The following IPO4 variants were observed in gnomAD, a reference collection of about 807,000 sequenced individuals.
IPO4 encodes the protein importin 4.
Under a neutral mutation model 133.5 loss-of-function variants are expected in IPO4, and 91 were observed. The ratio of observed to expected loss-of-function variants is 0.68; its 90% confidence interval spans 0.58 to 0.81. IPO4 has a LOEUF of 0.81. Ranked by LOEUF, IPO4 falls within the 30% of genes least tolerant of loss-of-function variation. The pLI is 0.00. For synonymous variants in IPO4, 607 were observed against 581.6 expected (o/e 1.04, Z -0.63); for missense variants, 1,279 against 1,386.2 (o/e 0.92, Z 1.23).
In IPO4 at chr14:24,183,354, C is replaced by G. The variant is rs369357586; in HGVS notation, c.2123G>C (p.Cys708Ser). ...TGCCTTCCGCACATTCAGGTGAGGG[C>G]ACTGCAGGATGAGGAGGGGCGGGAT... ...VFEEVFKLLE[C>S]PHLNVRKAAH... The change falls in exon 22 of 30, where the codon TGC becomes TCC. Residue 708 changes from cysteine (C) to serine (S), a missense_variant and splice_region_variant. This residue lies in a region of IPO4 where 575 missense variants were observed against 653.4 expected (regional missense o/e 0.88). Transcript: ENST00000354464. 1.2e-6 allele frequency: 2 copies of G among 1,608,166 alleles called. No homozygotes were observed. The highest frequency in any genetic ancestry group is 2.7e-5 in the African/African-American group (2 of 75,014).
intron 16 of IPO4, 76 bp downstream of exon 16, chr14:24,184,574 G>C: frequency 7.1e-7 from 1 of 1,412,388 alleles, no homozygotes; most frequent in South Asian, 1.4e-5. Flanking sequence ...GCTCCTGTGG[G>C]GGCAATCTGT....
chr14:24,186,839 C>G (rs781202923), intron 8 of IPO4, 39 bp downstream of exon 8: 1 of 1,612,270 alleles, frequency 6.2e-7, no homozygotes, highest in Non-Finnish European at 8.5e-7. Flanking sequence ...AGAGTCCCAG[C>G]AGAGCATGTA....
rs1438161942 is a variant in IPO4 at position 24,187,452 on chromosome 14, T to TAGA, written c.533_535dup (p.Phe178dup). ...CATGGTGGTCAGAGTGCGCAGGGAG[T>TAGA]AGAAGAGCAGCCCAGGAGAGCCCAC... On this transcript the variant is annotated inframe_insertion, in exon 6 of 30. Coordinates refer to ENST00000354464, the MANE Select transcript of IPO4 (RefSeq NM_024658.4). 2 of 1,612,924 alleles carry TAGA rather than the reference T, an allele frequency of 1.2e-6. No individual in the cohort carries two copies. The highest frequency in any genetic ancestry group is 1.7e-6 in the Non-Finnish European group (2 of 1,179,752).
rs1475243922 is a variant in IPO4 at position 24,188,208 on chromosome 14, G to A, written c.278+8C>T. On this transcript the variant is annotated splice_region_variant and intron_variant, in intron 4 of 29. Coordinates refer to ENST00000354464, the MANE Select transcript of IPO4 (RefSeq NM_024658.4). ...TCAAGATCCCGAGAGAAGTGGGTAG[G>A]TACTTACTCTGTTTCTCTCTGCAGG... The A allele has an allele frequency of 3.7e-6, 6 of 1,612,632 alleles. No homozygotes were observed. The highest frequency in any genetic ancestry group is 4.2e-6 in the Non-Finnish European group (5 of 1,179,206).
rs1267902757 is a variant in IPO4 at position 24,183,818 on chromosome 14, C to G, written c.1950G>C (p.Glu650Asp). ...DGEEEEELMD[E>D]DVEEEDDSEI... The stretch of plus-strand genomic sequence containing the variant: ...CTGAGTCATCCTCTTCTTCCACATC[C>G]TCATCCATGAGCTCCTCCTCTTCTT... Residue 650 changes from glutamate (E) to aspartate (D), a missense_variant, in exon 19 of 30, where the codon GAG becomes GAC. Physicochemically the swap from Glu to Asp is conservative, Grantham distance 45. Around this residue, in one of 3 missense-constraint regions of IPO4, gnomAD observed 575 missense variants for 653.4 expected, o/e 0.88. Coordinates refer to ENST00000354464, the MANE Select transcript of IPO4 (RefSeq NM_024658.4). 2 of 1,614,128 alleles carry G rather than the reference C, an allele frequency of 1.2e-6. No homozygotes were observed. Among genetic ancestry groups the G allele is most frequent in the Admixed American group, 1.7e-5 (1 of 60,016 alleles).
intron 7 of IPO4, 45 bp downstream of exon 7, chr14:24,187,040 T>C (rs1237537176): frequency 1.2e-6 from 2 of 1,612,296 alleles, no homozygotes; most frequent in Non-Finnish European, 1.7e-6. Flanking sequence ...AACTGGACAC[T>C]TCTGCACTCT....
Position 24,185,192 on chromosome 14 carries a change from C to T in IPO4, c.1399G>A (p.Glu467Lys). The change falls in exon 14 of 30, where the codon GAG becomes AAG. Residue 467 changes from glutamate to lysine, a missense_variant. Physicochemically the swap from Glu to Lys is moderately conservative, Grantham distance 56. Transcript: ENST00000354464. Reference protein sequence around the residue: ...KACYALENFVENLGPKVQPYL... With the variant: ...KACYALENFVKNLGPKVQPYL... Reference sequence around the variant, plus strand: ...CCACTGCCATCACTACCTAGGTTCTCCACAAAATTCTCCAGGGCATAGCAG... The same window carrying T: ...CCACTGCCATCACTACCTAGGTTCTTCACAAAATTCTCCAGGGCATAGCAG... 2.5e-6 allele frequency: 4 copies of T among 1,614,090 alleles called. No homozygotes were observed. Among genetic ancestry groups the T allele is most frequent in the Non-Finnish European group, 2.5e-6 (3 of 1,179,982 alleles).
Position 24,186,435 on chromosome 14 carries a change from CGA to C in IPO4, c.855_856del (p.Asn285LysfsTer17). 1 of 1,592,046 alleles carries C rather than the reference CGA, an allele frequency of 6.3e-7. No homozygotes were observed. The highest frequency in any genetic ancestry group is 8.6e-7 in the Non-Finnish European group (1 of 1,167,190). ...GGTGTGCAGCAAGGGTGGCAGGAGACGATTCTTCAGTAAGGCCTTGACAGAGA... is the reference window on the plus strand; with the variant it reads ...GGTGTGCAGCAAGGGTGGCAGGAGACTTCTTCAGTAAGGCCTTGACAGAGA... On this transcript the variant is annotated frameshift_variant, in exon 10 of 30. Coordinates refer to ENST00000354464, the MANE Select transcript of IPO4 (RefSeq NM_024658.4). LOFTEE classifies it high-confidence loss of function.
At position 24,186,892 on chromosome 14, in the gene IPO4, T is replaced by G. The variant is rs2039230467; in HGVS notation, c.742A>C (p.Thr248Pro). The change falls in exon 8 of 30, where the codon ACA (threonine) becomes CCA (proline). Residue 248 changes from threonine (T) to proline (P), a missense_variant. By Grantham distance (38) the Thr-to-Pro change is conservative. Coordinates refer to ENST00000354464, the MANE Select transcript of IPO4 (RefSeq NM_024658.4). ...VITPYLSEVL[T>P]FCLEVARNVA... ...TCCAGGCTCACCTCCAGGCAGAATG[T>G]GAGGACTTCAGAGAGGTAGGGGGTG... 1.2e-6 allele frequency: 2 copies of G among 1,613,944 alleles called. No homozygotes were observed. The highest frequency in any genetic ancestry group is 1.7e-6 in the Non-Finnish European group (2 of 1,179,928).
At position 24,186,928 on chromosome 14, in the gene IPO4, C is replaced by A; in HGVS notation, c.706G>T (p.Val236Leu). ...EALDELLESE[V>L]PVITPYLSEV... ...GAGAGGTAGGGGGTGATGACCGGCA[C>A]CTCTGACTCCAACAGTTCATCCAAA... Residue 236 changes from valine (V) to leucine (L), a missense_variant, in exon 8 of 30, where the codon GTG (valine) becomes TTG (leucine). Coordinates refer to ENST00000354464, the MANE Select transcript of IPO4 (RefSeq NM_024658.4). 1 of 1,614,134 alleles carries A rather than the reference C, an allele frequency of 6.2e-7. No individual in the cohort carries two copies. The highest frequency in any genetic ancestry group is 8.5e-7 in the Non-Finnish European group (1 of 1,180,026).
At position 24,184,638 on chromosome 14, in the gene IPO4, C is replaced by T. The variant is rs764918729; in HGVS notation, c.1636+12G>A. 1.3e-6 allele frequency: 2 copies of T among 1,567,626 alleles called. No individual in the cohort carries two copies. The highest frequency in any genetic ancestry group is 1.7e-6 in the Non-Finnish European group (2 of 1,154,232). Reference sequence around the variant, plus strand: ...TGGCACTGGGAGCCCCACCTGGGAACCTCTCACTCACCCAGGCTCTGGATC... The same window carrying T: ...TGGCACTGGGAGCCCCACCTGGGAATCTCTCACTCACCCAGGCTCTGGATC... On this transcript the variant is annotated intron_variant, in intron 16 of 29. Coordinates refer to ENST00000354464, the MANE Select transcript of IPO4 (RefSeq NM_024658.4).
At chr14:24,186,483 G>A (rs779233223) in intron 9 of IPO4, 32 bp from the exon 10 acceptor site, 49 of 1,539,916 alleles carry the variant, frequency 3.2e-5, no homozygotes, top group Non-Finnish European at 4.1e-5. Flanking sequence ...GTGTCCCTAA[G>A]AATCTGCTCC....
chr14:24,181,100 T>C (rs1362555572), intron 28 of IPO4, among the ~76,000 whole-genome samples: 3 of 152,182 alleles, frequency 2.0e-5, no homozygotes, highest in Admixed American at 2.0e-4. Flanking sequence ...ACCTAGCTAC[T>C]TGGTACAGGC....
In IPO4 at chr14:24,188,268, G is replaced by A. The variant is rs1260104208; in HGVS notation, c.237-11C>T. The A allele has an allele frequency of 2.5e-6, 4 of 1,613,368 alleles. No individual in the cohort carries two copies. The highest frequency in any genetic ancestry group is 3.4e-6 in the Non-Finnish European group (4 of 1,179,684). On this transcript the variant is annotated splice_polypyrimidine_tract_variant and intron_variant, in intron 3 of 29. Transcript: ENST00000354464. The stretch of plus-strand genomic sequence containing the variant: ...ATCAGGGACTTGAGGCTGGAACACA[G>A]GTGGCAGGTGTTTGGTACCCAGCCT...
rs1320479189 is a variant in IPO4, at chr14:24,186,895, G to C, written c.739C>G (p.Leu247Val). ...PVITPYLSEV[L>V]TFCLEVARNV... ...AGGCTCACCTCCAGGCAGAATGTGA[G>C]GACTTCAGAGAGGTAGGGGGTGATG... The change falls in exon 8 of 30, where the codon CTC (leucine) becomes GTC (valine). Residue 247 changes from leucine to valine, a missense_variant. Physicochemically the swap from Leu to Val is conservative, Grantham distance 32. Coordinates refer to ENST00000354464, the MANE Select transcript of IPO4 (RefSeq NM_024658.4). 1.2e-6 allele frequency: 2 copies of C among 1,614,066 alleles called. No individual in the cohort carries two copies. The highest frequency in any genetic ancestry group is 1.7e-6 in the Non-Finnish European group (2 of 1,179,950).
At chr14:24,183,972 G>GGGGGGC in intron 18 of IPO4, 26 bp downstream of exon 18, 1 of 1,573,274 alleles carries the variant, frequency 6.4e-7, no homozygotes, top group Non-Finnish European at 8.6e-7. Context: ...GGCAGGCCTG[G>GGGGGGC]CCCAGCCCAC....
In IPO4 at chr14:24,182,398, T is replaced by C. The variant is rs1227064022; in HGVS notation, c.2478A>G (p.Glu826=). 2 of 1,610,140 alleles carry C rather than the reference T, an allele frequency of 1.2e-6. No homozygotes were observed. The highest frequency in any genetic ancestry group is 1.7e-5 in the Admixed American group (1 of 59,168). ...EEEEEDDDQA[E]YDAMLLEHAG... ...CGTGCTCCAGCAACATGGCGTCGTA[T>C]TCAGCCTGTGGAGCCAGGTCAGGGG... Residue 826 remains glutamate (E), a synonymous_variant, in exon 25 of 30, where the codon GAA becomes GAG. Coordinates refer to ENST00000354464, the MANE Select transcript of IPO4 (RefSeq NM_024658.4).
chr14:24,187,839 TC>T, intron 4 of IPO4, 43 bp from the exon 5 acceptor site: 1 of 1,609,536 alleles, frequency 6.2e-7, no homozygotes, highest in Non-Finnish European at 8.5e-7. Flanking sequence ...TTCAATACCT[TC>T]CTCTGCACAC....
Position 24,183,324 on chromosome 14 carries a change from T to C in IPO4, c.2153A>G (p.His718Arg). The C allele has an allele frequency of 6.2e-7, 1 of 1,612,612 alleles. No individual in the cohort carries two copies. Among genetic ancestry groups the C allele is most frequent in the Non-Finnish European group, 8.5e-7 (1 of 1,179,298 alleles). Residue 718 changes from histidine (H) to arginine (R), a missense_variant, in exon 22 of 30, where the codon CAT (histidine) becomes CGT (arginine). Transcript: ENST00000354464. Reference protein sequence around the residue: ...CPHLNVRKAAHEALGQFCCAL... With the variant: ...CPHLNVRKAAREALGQFCCAL... Reference sequence around the variant, plus strand: ...ACAGCAAAACTGACCCAGAGCCTCATGGGCTGCCTTCCGCACATTCAGGTG... The same window carrying C: ...ACAGCAAAACTGACCCAGAGCCTCACGGGCTGCCTTCCGCACATTCAGGTG...
Sources: gnomAD v4.1 joint callset for allele counts (sites outside exome capture counted in the v4.1 genomes callset) on GRCh38, gnomAD v4.1.1 for gene constraint, gnomAD v4.1.1 regional missense constraint, MANE v1.5 for transcripts, NCBI Gene and HGNC (gene_info 2026-07-23, HGNC 2026-07-21) for gene names.